The following CSMD1 variants were observed in gnomAD, a reference collection of about 807,000 sequenced individuals.
The protein encoded by CSMD1 is CUB and sushi domain-containing protein 1.
Under a neutral mutation model 417.5 loss-of-function variants are expected in CSMD1, and 213 were observed. The ratio of observed to expected loss-of-function variants is 0.51; its 90% CI spans 0.46 to 0.57. The LOEUF (loss-of-function observed/expected upper bound fraction) is 0.57, where lower values mean the gene tolerates loss of function less well. Among genes scored for constraint, CSMD1 ranks in the 20% least tolerant of loss-of-function variants. The probability of loss-of-function intolerance (pLI) is 0.00; values close to 1 mark genes in which losing one functional copy is unlikely to be tolerated. For missense variants in CSMD1, 6,923 were observed against 4,529.7 expected (o/e 1.53, Z -15.17); for synonymous variants, 2,862 against 1,736.8 (o/e 1.65, Z -16.11).
At chr8:4,771,437 A>C (rs1796592456) in intron 1 of CSMD1, among the ~76,000 whole-genome samples, 1 of 152,254 alleles carries the variant, frequency 6.6e-6, no homozygotes, top group Non-Finnish European at 1.5e-5. Flanking sequence ...ATCCAAATCA[A>C]AACATTACTT....
At chr8:4,497,935 G>C (rs1802058861) in intron 2 of CSMD1, among the ~76,000 whole-genome samples, 1 of 152,274 alleles carries the variant, frequency 6.6e-6, no homozygotes, top group Middle Eastern at 3.4e-3. Flanking sequence ...ACACAGACCT[G>C]CAACTGCCCG....
chr8:3,226,369 G>C (rs888889923), intron 27 of CSMD1, among the ~76,000 whole-genome samples: 1 of 152,026 alleles, frequency 6.6e-6, no homozygotes, highest in Admixed American at 6.6e-5. Flanking sequence ...GATCATCTGA[G>C]GGCAGGAGTT....
chr8:3,590,444 GAAAGTTTTC>G (rs1320625287), intron 8 of CSMD1, among the ~76,000 whole-genome samples: 1 of 152,048 alleles, frequency 6.6e-6, no homozygotes, highest in African/African-American at 2.4e-5. Context: ...TCCACCAAAG[GAAAGTTTTC>G]AAAGACTAGT....
chr8:3,158,440 C>G (rs1001285725), intron 38 of CSMD1, among the ~76,000 whole-genome samples: 1 of 152,110 alleles, frequency 6.6e-6, no homozygotes, highest in African/African-American at 2.4e-5. Context: ...CACATGACTA[C>G]CAGGGTTCAG....
At chr8:3,235,695 T>C (rs1187913860) in intron 26 of CSMD1, among the ~76,000 whole-genome samples, 1 of 152,212 alleles carries the variant, frequency 6.6e-6, no homozygotes, top group Non-Finnish European at 1.5e-5. Context: ...AACAGTGCCT[T>C]GCACTAGTGG....
At chr8:4,568,427 T>C (rs936005097) in intron 2 of CSMD1, among the ~76,000 whole-genome samples, 3 of 152,202 alleles carry the variant, frequency 2.0e-5, no homozygotes, top group Non-Finnish European at 4.4e-5. Flanking sequence ...GCTTCACCCA[T>C]GTCCTTGCAA....
intron 40 of CSMD1, among the ~76,000 whole-genome samples, chr8:3,149,698 G>C (rs554457117): frequency 2.0e-5 from 3 of 152,154 alleles, no homozygotes; most frequent in Admixed American, 6.5e-5. Context: ...GGATGATCTC[G>C]ATCTCCTGAC....
chr8:4,117,462 C>T (rs761434123), intron 3 of CSMD1, among the ~76,000 whole-genome samples: 12 of 152,072 alleles, frequency 7.9e-5, no homozygotes, highest in Non-Finnish European at 2.9e-5. Context: ...GGGTTATGAT[C>T]GTCTTAATAA....
At chr8:4,901,663 T>C (rs891073239) in intron 1 of CSMD1, among the ~76,000 whole-genome samples, 1 of 152,204 alleles carries the variant, frequency 6.6e-6, no homozygotes, top group Non-Finnish European at 1.5e-5. Context: ...AGGCTCTTTG[T>C]AGCTTTAAAA....
intron 1 of CSMD1, among the ~76,000 whole-genome samples, chr8:4,701,793 T>C (rs1430793592): frequency 6.6e-6 from 1 of 151,940 alleles, no homozygotes; most frequent in African/African-American, 2.4e-5. Flanking sequence ...GTGGAAGATT[T>C]AATGAAGATG....
At chr8:4,608,982 G>T (rs573518728) in intron 2 of CSMD1, among the ~76,000 whole-genome samples, 1 of 150,830 alleles carries the variant, frequency 6.6e-6, no homozygotes. Flanking sequence ...CTGCTGAGGT[G>T]CTCAAAGGAA....
chr8:3,484,491 T>A lies in CSMD1; in HGVS notation c.1448+9132A>T, dbSNP rs1365890049. Among the ~76,000 whole-genome samples, 2 of 152,122 alleles carry A rather than the reference T, an allele frequency of 1.3e-5. 1 individual carries two copies. The highest frequency in any genetic ancestry group is 4.1e-4 in the South Asian group (2 of 4,832). ...TGTAAAACTGTAAAACTTTTAGGAA[T>A]ATGTATAGAAGGACTCCTCTGTAAA... On this transcript the variant is annotated intron_variant, in intron 11 of 69. Coordinates refer to ENST00000635120, the MANE Select transcript of CSMD1 (RefSeq NM_033225.6).
At chr8:4,912,209 G>A (rs1585313899) in intron 1 of CSMD1, among the ~76,000 whole-genome samples, 1 of 149,904 alleles carries the variant, frequency 6.7e-6, no homozygotes, top group Admixed American at 6.7e-5. Flanking sequence ...TCCTCTTACT[G>A]AGCTAGGTGG....
At chr8:4,381,498 A>G (rs1803102688) in intron 3 of CSMD1, among the ~76,000 whole-genome samples, 1 of 152,136 alleles carries the variant, frequency 6.6e-6, no homozygotes, top group South Asian at 2.1e-4. Flanking sequence ...CAGGCCTATA[A>G]TTTGGACAAA....
intron 22 of CSMD1, 82 bp downstream of exon 22, chr8:3,347,910 T>C (rs1808118808): frequency 5.7e-6 from 5 of 881,344 alleles, no homozygotes; most frequent in African/African-American, 1.7e-5. Flanking sequence ...TGTGCATATA[T>C]CTATATGTAG....
rs1801442469 is a variant in CSMD1, at chr8:2,936,102, C to G, written c.*2483G>C. ...CCTTAGGAAGAAACTAGGCAGAATTCTCACACGAGAATTTCACTGATTTTT... is the reference window on the plus strand; with the variant it reads ...CCTTAGGAAGAAACTAGGCAGAATTGTCACACGAGAATTTCACTGATTTTT... On this transcript the variant is annotated 3_prime_UTR_variant, in exon 70 of 70. Transcript: ENST00000635120. The G allele has an allele frequency of 6.6e-6, 1 of 152,144 alleles. No individual in the cohort carries two copies. The highest frequency in any genetic ancestry group is 1.5e-5 in the Non-Finnish European group (1 of 68,032). 9.4% of individuals were successfully genotyped at this position (152,144 alleles called of 1,614,324 possible).
intron 50 of CSMD1, among the ~76,000 whole-genome samples, chr8:3,051,825 G>A (rs1343865285): frequency 6.6e-6 from 1 of 152,100 alleles, no homozygotes; most frequent in Non-Finnish European, 1.5e-5. Flanking sequence ...GTATGTGAGT[G>A]GAACTATTCT....
chr8:4,677,460 C>A (rs1432451892), intron 1 of CSMD1, among the ~76,000 whole-genome samples: 1 of 152,044 alleles, frequency 6.6e-6, no homozygotes, highest in East Asian at 1.9e-4. Flanking sequence ...CAACACACTA[C>A]AATTTATATA....
At chr8:4,777,491 G>A (rs1796925680) in intron 1 of CSMD1, among the ~76,000 whole-genome samples, 1 of 152,122 alleles carries the variant, frequency 6.6e-6, no homozygotes, top group African/African-American at 2.4e-5. Flanking sequence ...TCAGATTTAA[G>A]AATAAAACAA....
Sources: allele counts gnomAD v4.1 joint callset (sites outside exome capture counted in the v4.1 genomes callset), GRCh38; gene constraint gnomAD v4.1.1; transcripts MANE v1.5; gene names NCBI Gene and HGNC (gene_info 2026-07-23, HGNC 2026-07-21).